The following TRHDE variants were observed in gnomAD, a reference collection of about 807,000 sequenced individuals.
TRHDE encodes the protein thyrotropin-releasing hormone-degrading ectoenzyme.
TRHDE carries 72 observed loss-of-function variants against 125.7 expected under a neutral mutation model. The observed-to-expected ratio is 0.57, with a 90% CI of 0.47 to 0.70. The LOEUF is 0.70. Among genes scored for constraint, TRHDE ranks in the 30% least tolerant of loss-of-function variants. The probability of loss-of-function intolerance (pLI) is 0.00; values close to 1 mark genes in which losing one functional copy is unlikely to be tolerated. For missense variants in TRHDE, 1,110 were observed against 1,327.1 expected, an observed-to-expected ratio of 0.84 and a Z score of 2.54; for synonymous variants, 509 against 509.1, an observed-to-expected ratio of 1.00 and a Z score of 0.00.
At chr12:72,623,113 C>T (rs1023718312) in intron 15 of TRHDE, among the ~76,000 whole-genome samples, 4 of 151,922 alleles carry the variant, frequency 2.6e-5, no homozygotes, top group Non-Finnish European at 4.4e-5. Flanking sequence ...TTCAATTCTA[C>T]CACGTTTAAT....
chr12:72,648,764 TAG>T (rs1195754861), intron 15 of TRHDE, among the ~76,000 whole-genome samples: 3 of 151,552 alleles, frequency 2.0e-5, no homozygotes, highest in Non-Finnish European at 4.4e-5. Context: ...CTGGGAAACA[TAG>T]AGAGACCCCA....
chr12:72,287,094 T>G (rs569190291), intron 2 of TRHDE, 140 bp downstream of exon 2: 211 of 918,030 alleles, frequency 2.3e-4, no homozygotes, highest in Middle Eastern at 1.4e-3. Context: ...TATGGGGGGG[T>G]TTTTACATAT....
At chr12:72,364,793 A>G (rs940469457) in intron 2 of TRHDE, among the ~76,000 whole-genome samples, 1 of 152,100 alleles carries the variant, frequency 6.6e-6, no homozygotes, top group African/African-American at 2.4e-5. Context: ...GCCAAACTAA[A>G]TTGATACTGA....
In TRHDE at chr12:72,154,956, G is replaced by A. The variant is rs555565431; in HGVS notation, n.279+49204G>A. Among the ~76,000 whole-genome samples the A allele has an allele frequency of 1.5e-4, 23 of 152,262 alleles. No individual in the cohort carries two copies. In the South Asian group the frequency reaches 1.9e-3, roughly 12 times the overall value. ...ATATTGGCCTGCCTTGCTAGATTGG[G>A]GAAGTTCTCCTGGATAATATCCTGA... is the stretch of plus-strand genomic sequence containing the variant. On this transcript the variant is annotated intron_variant and non_coding_transcript_variant, in intron 2 of 4. Transcript: ENST00000548156.
chr12:72,625,942 C>T (rs1164709776), intron 15 of TRHDE, among the ~76,000 whole-genome samples: 1 of 151,966 alleles, frequency 6.6e-6, no homozygotes, highest in Non-Finnish European at 1.5e-5. Flanking sequence ...GCTTTATGTA[C>T]ATGGGTTGCA....
At chr12:72,362,102 G>A (rs1259774313) in intron 2 of TRHDE, among the ~76,000 whole-genome samples, 1 of 121,512 alleles carries the variant, frequency 8.2e-6, no homozygotes, top group African/African-American at 3.3e-5. Context: ...TGGGTCAAAT[G>A]GTATTTCTAG....
At chr12:72,430,629 G>A (rs1347152870) in intron 3 of TRHDE, among the ~76,000 whole-genome samples, 2 of 151,672 alleles carry the variant, frequency 1.3e-5, no homozygotes, top group East Asian at 3.9e-4. Context: ...TGATCTATAT[G>A]TCTGTCCTTA....
chr12:72,224,266 C>T (rs1324313012), intron 2 of TRHDE, among the ~76,000 whole-genome samples: 2 of 9,080 alleles, frequency 2.2e-4, no homozygotes, highest in African/African-American at 8.2e-4. Context: ...TATGAAGGAC[C>T]CCCCCCTAGG....
At chr12:72,395,018 C>A (rs1314773847) in intron 3 of TRHDE, among the ~76,000 whole-genome samples, 2 of 152,194 alleles carry the variant, frequency 1.3e-5, no homozygotes, top group Non-Finnish European at 2.9e-5. Context: ...AGCTAATTGA[C>A]ATATGCATTA....
intron 2 of TRHDE, among the ~76,000 whole-genome samples, chr12:72,238,302 A>ATATATATATATATATATACATATG: frequency 2.8e-5 from 1 of 36,232 alleles, no homozygotes; most frequent in East Asian, 7.8e-4. Flanking sequence ...ATATATATAT[A>ATATATATATATATATATACATATG]TATATATATA....
chr12:72,234,426 G>T (rs1038623106), intron 2 of TRHDE, among the ~76,000 whole-genome samples: 2 of 152,044 alleles, frequency 1.3e-5, no homozygotes, highest in African/African-American at 4.8e-5. Flanking sequence ...TGCACACATT[G>T]TGACTTAGTA....
chr12:72,255,716 A>T (rs554464089), intron 2 of TRHDE: 1 of 152,216 alleles, frequency 6.6e-6, no homozygotes, highest in Admixed American at 6.5e-5. Flanking sequence ...TGTTTCAGGC[A>T]GTTCTTCCTT....
At chr12:72,407,547 A>C (rs544708497) in intron 3 of TRHDE, among the ~76,000 whole-genome samples, 1 of 152,342 alleles carries the variant, frequency 6.6e-6, no homozygotes, top group Admixed American at 6.5e-5. Context: ...TTGCACTGGA[A>C]TAAAACAACT....
intron 3 of TRHDE, among the ~76,000 whole-genome samples, chr12:72,456,284 G>A (rs1875848680): frequency 6.6e-6 from 1 of 151,794 alleles, no homozygotes; most frequent in Non-Finnish European, 1.5e-5. Context: ...TGGCCAGGCT[G>A]TAAGGGTTCC....
rs1877173233 is a variant in TRHDE, at chr12:72,185,028, G to A, written n.279+79276G>A. On this transcript the variant is annotated intron_variant and non_coding_transcript_variant, in intron 2 of 4. Transcript: ENST00000548156. ...TGGAGCCCACTCCCTCAGCTTGCAG[G>A]GAGGTCTGGAGGGAGAGGCTTGAGC... 3.3e-5 allele frequency among the ~76,000 whole-genome samples: 5 copies of A among 152,186 alleles called. No homozygotes were observed. In the South Asian group the frequency reaches 1.0e-3, roughly 32 times the overall value.
At chr12:72,202,203 C>T (rs1490231035) in intron 2 of TRHDE, among the ~76,000 whole-genome samples, 4 of 152,164 alleles carry the variant, frequency 2.6e-5, no homozygotes, top group Admixed American at 1.3e-4. Flanking sequence ...TGCTAGGATT[C>T]CCCTTTGGTC....
intron 6 of TRHDE, among the ~76,000 whole-genome samples, chr12:72,509,477 A>G (rs1878495949): frequency 6.6e-6 from 1 of 152,020 alleles, no homozygotes; most frequent in African/African-American, 2.4e-5. Flanking sequence ...CCTGAGCTCT[A>G]CCAAACTCCT....
chr12:72,596,951 A>T (rs1280196497), intron 12 of TRHDE, among the ~76,000 whole-genome samples: 24 of 152,260 alleles, frequency 1.6e-4, no homozygotes, highest in Non-Finnish European at 4.4e-5. Context: ...ATTTAAATTT[A>T]AAAACATGCT....
chr12:72,112,504 A>G (rs1010272880), intron 2 of TRHDE, among the ~76,000 whole-genome samples: 6 of 152,222 alleles, frequency 3.9e-5, no homozygotes, highest in African/African-American at 1.4e-4. Context: ...ATAGTGTAGT[A>G]CAGGGCACAC....
Sources: gnomAD v4.1 joint callset for allele counts (sites outside exome capture counted in the v4.1 genomes callset) on GRCh38, gnomAD v4.1.1 for gene constraint, MANE v1.5 for transcripts, NCBI Gene and HGNC (gene_info 2026-07-23, HGNC 2026-07-21) for gene names.